The following CCDC7 variants were observed in gnomAD, a reference collection of about 807,000 sequenced individuals.
CCDC7 encodes the protein coiled-coil domain containing 7.
In CCDC7, 183 loss-of-function variants were observed where a neutral mutation model predicts 196.9. That is an observed-to-expected ratio of 0.93 (90% CI 0.82 to 1.05). The LOEUF (loss-of-function observed/expected upper bound fraction) is 1.05. Among genes scored for constraint, CCDC7 ranks in the 50% least tolerant of loss-of-function variants. CCDC7 has a pLI of 0.00. For missense variants in CCDC7, 1,540 were observed against 1,482.2 expected, an observed-to-expected ratio of 1.04 and a Z score of -0.64; for synonymous variants, 525 against 484.6, an observed-to-expected ratio of 1.08 and a Z score of -1.10.
intron 23 of CCDC7, 106 bp from the exon 25 acceptor site, chr10:32,694,773 T>G (rs2077497656): frequency 5.2e-6 from 3 of 574,646 alleles, no homozygotes; most frequent in Admixed American, 3.5e-5. Flanking sequence ...ACTTACAAAT[T>G]TATCAAAATG....
chr10:32,739,689 T>TTCG (rs1389216059), intron 28 of CCDC7, among the ~76,000 whole-genome samples: 2 of 152,050 alleles, frequency 1.3e-5, no homozygotes, highest in Admixed American at 6.6e-5. Context: ...ACTTGAAATT[T>TTCG]TTGTTGTTGT....
intron 18 of CCDC7, among the ~76,000 whole-genome samples, chr10:32,631,061 A>G (rs2064791443): frequency 6.6e-6 from 1 of 152,196 alleles, no homozygotes; most frequent in Non-Finnish European, 1.5e-5. Context: ...GGCCATATGT[A>G]GGTTCTCTGG....
chr10:32,828,439 G>GAAGGAGAAGAAGAAGAAGAAGA lies in CCDC7; in HGVS notation c.3268+3836_3268+3837insAGGAGAAGAAGAAGAAGAAGAA, dbSNP rs1491102454. On this transcript the variant is annotated intron_variant, in intron 32 of 41. Transcript: ENST00000639629. Reference sequence around the variant, plus strand: ...AGGAGAAGAAGAAGAAGGAAGGAAGGAGAAGAAGAAGAAGAAGAAGAAGAA... The same window carrying GAAGGAGAAGAAGAAGAAGAAGA: ...AGGAGAAGAAGAAGAAGGAAGGAAGGAAGGAGAAGAAGAAGAAGAAGAAGAAGAAGAAGAAGAAGAAGAAGAA... 1.7e-3 allele frequency among the ~76,000 whole-genome samples: 99 copies of GAAGGAGAAGAAGAAGAAGAAGA among 56,816 alleles called. 5 individuals carry two copies. The highest frequency in any genetic ancestry group is 4.2e-3 in the African/African-American group (95 of 22,696). The allele number at this position is 56,816 out of a possible 152,430, so 37.3% of individuals were successfully genotyped here.
At chr10:32,556,253 T>C (rs981836902) in intron 13 of CCDC7, among the ~76,000 whole-genome samples, 10 of 152,214 alleles carry the variant, frequency 6.6e-5, no homozygotes, top group African/African-American at 2.4e-4. Context: ...TCATCTTTAT[T>C]CGTTAGAATA....
At chr10:32,522,792 C>T (rs1218449657) in intron 11 of CCDC7, among the ~76,000 whole-genome samples, 1 of 152,036 alleles carries the variant, frequency 6.6e-6, no homozygotes, top group African/African-American at 2.4e-5. Context: ...GATGCAGGCA[C>T]TTGTAGCTAT....
intron 28 of CCDC7, among the ~76,000 whole-genome samples, chr10:32,770,004 G>T (rs2078927328): frequency 6.6e-6 from 1 of 152,198 alleles, no homozygotes; most frequent in Admixed American, 6.5e-5. Flanking sequence ...CCAGTAATGG[G>T]ATTGCTGGAT....
Position 32,565,582 on chromosome 10 carries a change from A to T in CCDC7, c.1159A>T (p.Asn387Tyr), listed in dbSNP as rs549470854. Residue 387 changes from asparagine (N) to tyrosine (Y), a missense_variant, in exon 14 of 42, where the codon AAC becomes TAC. Transcript: ENST00000639629. ...GAAAGTAGCACGTCTGGAAATTGAG[A>T]ACAAAGTCCTTCAGGAGCAATTGAA... is the stretch of plus-strand genomic sequence containing the variant. The T allele has an allele frequency of 5.3e-5, 86 of 1,610,074 alleles. 1 individual carries two copies. The South Asian group carries it at 7.7e-4, about 14-fold the overall frequency.
At chr10:32,733,622 T>C (rs2084353633) in intron 28 of CCDC7, among the ~76,000 whole-genome samples, 1 of 149,502 alleles carries the variant, frequency 6.7e-6, no homozygotes, top group Admixed American at 6.6e-5. Context: ...AGATCAAATA[T>C]GTTTATTCTG....
At chr10:32,450,636 G>T (rs762043214), upstream of CCDC7, among the ~76,000 whole-genome samples, 12 of 152,102 alleles carry the variant, frequency 7.9e-5, no homozygotes, top group Non-Finnish European at 1.3e-4. Context: ...GAGAAAAATA[G>T]AGGAATAAAA....
intron 18 of CCDC7, among the ~76,000 whole-genome samples, chr10:32,622,487 A>G (rs1487608760): frequency 6.6e-6 from 1 of 151,952 alleles, no homozygotes; most frequent in Non-Finnish European, 1.5e-5. Context: ...GTGATAGTAA[A>G]GATGTACTAT....
chr10:32,567,700 T>C (rs1448174937), exon 15 of CCDC7: 2 of 1,612,936 alleles, frequency 1.2e-6, no homozygotes, highest in South Asian at 1.1e-5. Flanking sequence ...TCAACTTAAC[T>C]ATTTCCTAAA....
At chr10:32,589,826 G>A (rs1005842374) in intron 18 of CCDC7, among the ~76,000 whole-genome samples, 8 of 152,016 alleles carry the variant, frequency 5.3e-5, no homozygotes, top group Admixed American at 6.6e-5. Flanking sequence ...TCTTCTTATA[G>A]TTTTTATCTT....
At chr10:32,716,467 A>ATG (rs1356712397) in intron 25 of CCDC7, among the ~76,000 whole-genome samples, 1 of 152,272 alleles carries the variant, frequency 6.6e-6, no homozygotes, top group Admixed American at 6.5e-5. Flanking sequence ...AAGACCAGTG[A>ATG]CATTGTGAAG....
chr10:32,521,977 C>T (rs2047949806), intron 11 of CCDC7, among the ~76,000 whole-genome samples: 1 of 152,086 alleles, frequency 6.6e-6, no homozygotes, highest in Admixed American at 6.5e-5. Context: ...TTTTGTCTTT[C>T]AGTCTGTTAA....
intron 34 of CCDC7, 73 bp downstream of exon 35, chr10:32,845,399 C>T: frequency 4.7e-6 from 6 of 1,272,102 alleles, no homozygotes; most frequent in Non-Finnish European, 6.6e-6. Flanking sequence ...AAGTATAGAC[C>T]TTTAATAACA....
intron 36 of CCDC7, 133 bp downstream of exon 37, chr10:32,846,092 A>G: frequency 1.3e-6 from 1 of 772,608 alleles, no homozygotes; most frequent in Non-Finnish European, 2.2e-6. Context: ...CTATTGGAAG[A>G]CATATAATAA....
chr10:32,480,483 A>C (rs994545443), intron 8 of CCDC7, among the ~76,000 whole-genome samples: 4 of 152,068 alleles, frequency 2.6e-5, no homozygotes, highest in Non-Finnish European at 5.9e-5. Flanking sequence ...CACTGTGCCC[A>C]GCTTGAATGT....
chr10:32,676,453 T>C (rs1389800916), intron 21 of CCDC7, among the ~76,000 whole-genome samples: 1 of 149,412 alleles, frequency 6.7e-6, no homozygotes, highest in African/African-American at 2.5e-5. Flanking sequence ...TGGGAGAAAA[T>C]TTTCGCAACC....
At chr10:32,727,664 A>G (rs2992673) in intron 26 of CCDC7, among the ~76,000 whole-genome samples, 99,277 of 151,894 alleles carry the variant, frequency 0.65, 32,694 homozygotes, top group South Asian at 0.68. Flanking sequence ...AAGCAATTGC[A>G]GTTTTTGCCA....
Sources: gnomAD v4.1 joint callset for allele counts (sites outside exome capture counted in the v4.1 genomes callset) on GRCh38, gnomAD v4.1.1 for gene constraint, MANE v1.5 for transcripts, NCBI Gene and HGNC (gene_info 2026-07-23, HGNC 2026-07-21) for gene names.